The following PLCL1 variants were observed in gnomAD, a reference collection of about 807,000 sequenced individuals.
PLCL1 encodes the protein inactive phospholipase C-like protein 1.
In PLCL1, 41 loss-of-function variants were observed where a neutral mutation model predicts 84.4. That is an observed-to-expected ratio of 0.49 (90% CI 0.38 to 0.63). The LOEUF (loss-of-function observed/expected upper bound fraction) is 0.63. PLCL1 is among the 30% of genes least tolerant of loss of function. PLCL1 has a pLI of 0.00. For synonymous variants in PLCL1, 490 were observed against 488.3 expected, an observed-to-expected ratio of 1.00 and a Z score of -0.05; for missense variants, 1,206 against 1,367.8, an observed-to-expected ratio of 0.88 and a Z score of 1.87.
intron 5 of PLCL1, among the ~76,000 whole-genome samples, chr2:198,129,709 A>C (rs1694074549): frequency 6.6e-6 from 1 of 152,144 alleles, no homozygotes; most frequent in Admixed American, 6.5e-5. Context: ...GCTTTTCTAA[A>C]GGACTTTCAG....
chr2:198,029,896 C>T (rs1691366493), intron 1 of PLCL1, among the ~76,000 whole-genome samples: 1 of 104,104 alleles, frequency 9.6e-6, no homozygotes, highest in South Asian at 2.6e-4. Flanking sequence ...GACGGGGTTT[C>T]ACCATGTTGC....
chr2:197,821,014 T>C (rs1426798463), intron 1 of PLCL1, among the ~76,000 whole-genome samples: 4 of 152,154 alleles, frequency 2.6e-5, no homozygotes, highest in African/African-American at 9.6e-5. Flanking sequence ...AAAGATCAAG[T>C]AGATGATTAA....
chr2:198,059,385 CTGTT>C (rs944529451), intron 1 of PLCL1, among the ~76,000 whole-genome samples: 1 of 152,096 alleles, frequency 6.6e-6, no homozygotes, highest in Non-Finnish European at 1.5e-5. Context: ...CTGGAAACAT[CTGTT>C]TGGTTTCTGT....
intron 4 of PLCL1, 90 bp downstream of exon 4, chr2:198,101,450 T>G: frequency 1.4e-6 from 1 of 699,696 alleles, no homozygotes; most frequent in South Asian, 1.8e-5. Context: ...TTCAGAAACT[T>G]TCTGCTTCTC....
intron 1 of PLCL1, among the ~76,000 whole-genome samples, chr2:198,042,861 C>A (rs1251715282): frequency 6.6e-6 from 1 of 152,114 alleles, no homozygotes; most frequent in East Asian, 1.9e-4. Context: ...TTTGCATAAA[C>A]AGACAGAGAA....
Position 197,805,348 on chromosome 2 carries a change from A to C in PLCL1, c.240+9A>C. On this transcript the variant is annotated intron_variant, in intron 1 of 5. Transcript: ENST00000428675. The surrounding 1 kb of genome is among the most constrained non-coding windows in gnomAD (Gnocchi z 4.0). ...GCAGCAGCATCATCAAGGTAAGCAA[A>C]GCCGCGCCGCACCGGGAGCGTGGCT... The C allele has an allele frequency of 7.5e-7, 1 of 1,335,578 alleles. No individual in the cohort carries two copies. The highest frequency in any genetic ancestry group is 2.1e-5 in the South Asian group (1 of 47,822). 82.7% of individuals were successfully genotyped at this position (1,335,578 alleles called of 1,614,324 possible). A position where few individuals can be genotyped will look rare whatever the true frequency, so the allele number is the denominator to read the frequency against.
At chr2:198,028,724 C>T (rs1691334017) in intron 1 of PLCL1, among the ~76,000 whole-genome samples, 1 of 152,134 alleles carries the variant, frequency 6.6e-6, no homozygotes, top group South Asian at 2.1e-4. Flanking sequence ...TGCTTTCTCA[C>T]CAAGTTCTCT....
chr2:198,008,537 C>CT (rs199948196), intron 1 of PLCL1, among the ~76,000 whole-genome samples: 3,704 of 144,632 alleles, frequency 0.026, 62 homozygotes, highest in Middle Eastern at 0.044. Context: ...ACAAGATTTT[C>CT]TTTTTTTTTT....
At chr2:197,818,738 A>G (rs1033223317) in intron 1 of PLCL1, among the ~76,000 whole-genome samples, 5 of 151,996 alleles carry the variant, frequency 3.3e-5, no homozygotes, top group African/African-American at 1.2e-4. Flanking sequence ...TTCTCCACCA[A>G]ATCTCCCCAT....
intron 1 of PLCL1, among the ~76,000 whole-genome samples, chr2:197,971,953 A>G (rs543587656): frequency 6.6e-6 from 1 of 152,372 alleles, no homozygotes; most frequent in Admixed American, 6.5e-5. Context: ...TATAAAAGTA[A>G]TCAGAAGTAT....
At position 197,813,412 on chromosome 2, in the gene PLCL1, T is replaced by C. The variant is rs987802399; in HGVS notation, c.240+8073T>C. Among the ~76,000 whole-genome samples the C allele has an allele frequency of 3.9e-5, 6 of 152,292 alleles. No individual in the cohort carries two copies. The South Asian group carries it at 1.0e-3, about 26-fold the overall frequency. On this transcript the variant is annotated intron_variant, in intron 1 of 5. Coordinates refer to ENST00000428675, the MANE Select transcript of PLCL1 (RefSeq NM_006226.4). ...GCCTCATGCTCCCCCTAGAGGCGTA[T>C]ATAAAAGATGCAAAGTCATCTTCAG...
At chr2:198,114,665 G>C (rs906390470) in intron 5 of PLCL1, among the ~76,000 whole-genome samples, 2 of 151,740 alleles carry the variant, frequency 1.3e-5, no homozygotes, top group African/African-American at 4.8e-5. Context: ...GTTCCTTACA[G>C]CCCTTGTAGG....
intron 1 of PLCL1, among the ~76,000 whole-genome samples, chr2:197,846,096 T>C (rs745910022): frequency 6.6e-6 from 1 of 152,072 alleles, no homozygotes; most frequent in Non-Finnish European, 1.5e-5. Context: ...AGGAAAAAAA[T>C]CTGAAAGTAC....
Position 197,946,817 on chromosome 2 carries a change from T to C in PLCL1, c.241-136941T>C, listed in dbSNP as rs145719238. Among the ~76,000 whole-genome samples, 207 of 152,334 alleles carry C rather than the reference T, an allele frequency of 1.4e-3. 1 individual carries two copies. The highest frequency in any genetic ancestry group is 4.4e-3 in the African/African-American group (182 of 41,580). Reference sequence around the variant, plus strand: ...ACTTCACATTCATATGAGCCAAGCATGTTCAACATTTAAAAAGCCTCTCTT... The same window carrying C: ...ACTTCACATTCATATGAGCCAAGCACGTTCAACATTTAAAAAGCCTCTCTT... On this transcript the variant is annotated intron_variant, in intron 1 of 5. Transcript: ENST00000428675.
chr2:197,806,350 A>G (rs1334974916), intron 1 of PLCL1, among the ~76,000 whole-genome samples: 1 of 152,206 alleles, frequency 6.6e-6, no homozygotes, highest in Admixed American at 6.5e-5. Flanking sequence ...TTTACTTACT[A>G]TTGAATTTAT....
intron 1 of PLCL1, among the ~76,000 whole-genome samples, chr2:198,010,007 A>T (rs367586523): frequency 2.6e-5 from 4 of 152,016 alleles, no homozygotes; most frequent in African/African-American, 7.2e-5. Flanking sequence ...AGAAAATGCA[A>T]CTGATTTTTG....
At chr2:197,827,837 AT>A (rs1185206173) in intron 1 of PLCL1, among the ~76,000 whole-genome samples, 1 of 152,076 alleles carries the variant, frequency 6.6e-6, no homozygotes, top group Non-Finnish European at 1.5e-5. Flanking sequence ...TTAAATTGTG[AT>A]TTTTAGTCAA....
intron 1 of PLCL1, among the ~76,000 whole-genome samples, chr2:197,904,710 T>A (rs1688341826): frequency 6.6e-6 from 1 of 152,164 alleles, no homozygotes; most frequent in South Asian, 2.1e-4. Context: ...TTTCTAGGGA[T>A]GGCAAGGTAT....
At chr2:198,010,901 A>G (rs1690854240) in intron 1 of PLCL1, among the ~76,000 whole-genome samples, 1 of 151,382 alleles carries the variant, frequency 6.6e-6, no homozygotes, top group African/African-American at 2.4e-5. Context: ...TTTTTAGATT[A>G]TCCAATTTGT....
Sources: allele counts gnomAD v4.1 joint callset (sites outside exome capture counted in the v4.1 genomes callset), GRCh38; gene constraint gnomAD v4.1.1; non-coding constraint Gnocchi (gnomAD v3.1); transcripts MANE v1.5; gene names NCBI Gene and HGNC (gene_info 2026-07-23, HGNC 2026-07-21).